BCAS3: variants seen among roughly 807,000 people sequenced by gnomAD.
BCAS3 encodes BCAS4/BCAS3 fusion.
A neutral mutation model predicts 116.1 loss-of-function variants in BCAS3; 53 were observed. That is an observed-to-expected ratio of 0.46 (90% CI 0.37 to 0.57). The LOEUF (loss-of-function observed/expected upper bound fraction) is 0.57. Ranked by LOEUF, BCAS3 falls within the 20% of genes least tolerant of loss-of-function variation. The pLI is 0.00. For synonymous variants in BCAS3, 391 were observed against 408.2 expected, an observed-to-expected ratio of 0.96 and a Z score of 0.51; for missense variants, 917 against 1,165.4, an observed-to-expected ratio of 0.79 and a Z score of 3.10.
intron 6 of BCAS3, among the ~76,000 whole-genome samples, chr17:60,771,958 A>T (rs1480891695): frequency 6.6e-6 from 1 of 152,170 alleles, no homozygotes; most frequent in Admixed American, 6.5e-5. Context: ...TCTATCATTG[A>T]TGGACATTTG....
At chr17:61,320,198 C>CT (rs2055092466) in intron 22 of BCAS3, among the ~76,000 whole-genome samples, 1 of 151,400 alleles carries the variant, frequency 6.6e-6, no homozygotes, top group South Asian at 2.1e-4. Context: ...CCAGAATAGT[C>CT]TTTTTTCTAT....
At chr17:60,977,820 A>C (rs1358898542) in intron 14 of BCAS3, among the ~76,000 whole-genome samples, 1 of 149,682 alleles carries the variant, frequency 6.7e-6, no homozygotes, top group African/African-American at 2.5e-5. Flanking sequence ...GTCCCTACAA[A>C]GGACATGAAC....
intron 22 of BCAS3, among the ~76,000 whole-genome samples, chr17:61,191,184 T>C (rs2144226006): frequency 6.6e-6 from 1 of 152,264 alleles, no homozygotes; most frequent in Non-Finnish European, 1.5e-5. Flanking sequence ...GAGGACTGCT[T>C]GAGCCCGGGA....
intron 19 of BCAS3, among the ~76,000 whole-genome samples, chr17:61,048,581 G>A (rs2068560936): frequency 6.6e-6 from 1 of 151,908 alleles, no homozygotes. Flanking sequence ...CAGCCACACT[G>A]TTTCATTTTT....
rs1182472690 is a variant in BCAS3, at chr17:61,344,282, T to C, written c.2426-24045T>C. Among the ~76,000 whole-genome samples the C allele has an allele frequency of 6.6e-6, 1 of 152,082 alleles. No homozygotes were observed. The highest frequency in any genetic ancestry group is 1.9e-4 in the East Asian group (1 of 5,190). ...TCCCCTTGCTTTTAAAGAGCCAACCTCTTACCAGTTGCTTCTCTTTTGTCA... is the reference window on the plus strand; with the variant it reads ...TCCCCTTGCTTTTAAAGAGCCAACCCCTTACCAGTTGCTTCTCTTTTGTCA... On this transcript the variant is annotated intron_variant, in intron 22 of 23. Coordinates refer to ENST00000407086, the MANE Select transcript of BCAS3 (RefSeq NM_017679.5). The surrounding 1 kb of genome is among the most constrained non-coding windows in gnomAD (Gnocchi z 4.1).
chr17:60,731,916 T>C (rs537270953), intron 5 of BCAS3, among the ~76,000 whole-genome samples: 1 of 151,646 alleles, frequency 6.6e-6, no homozygotes, highest in South Asian at 2.1e-4. Context: ...GTAGCTGGGA[T>C]TATAGGTGCT....
chr17:61,296,358 G>T (rs974975902), intron 22 of BCAS3, among the ~76,000 whole-genome samples: 1 of 152,282 alleles, frequency 6.6e-6, no homozygotes, highest in African/African-American at 2.4e-5. Context: ...GGTCCCAAAG[G>T]CCCATCCAGT....
intron 23 of BCAS3, among the ~76,000 whole-genome samples, chr17:61,375,748 T>A (rs1352466321): frequency 6.6e-6 from 1 of 152,002 alleles, no homozygotes; most frequent in Non-Finnish European, 1.5e-5. Context: ...AATTTTTGAA[T>A]TTTTAGTAGA....
rs2074030722 is a variant in BCAS3, at chr17:61,097,189, T to C, written c.2425+12625T>C. ...TTTCTTTATTTGTTTTTTTCTTTTT[T>C]CTTTTTTGAGACTGAGTCTCGCTCT... On this transcript the variant is annotated intron_variant, in intron 22 of 23. Coordinates refer to ENST00000407086, the MANE Select transcript of BCAS3 (RefSeq NM_017679.5). The surrounding 1 kb of genome is among the most constrained non-coding windows in gnomAD (Gnocchi z 4.0). Among the ~76,000 whole-genome samples, 1 of 152,188 alleles carries C rather than the reference T, an allele frequency of 6.6e-6. No individual in the cohort carries two copies. Among genetic ancestry groups the C allele is most frequent in the Non-Finnish European group, 1.5e-5 (1 of 68,040 alleles).
chr17:61,102,827 T>G (rs2074409547), intron 22 of BCAS3, among the ~76,000 whole-genome samples: 1 of 152,138 alleles, frequency 6.6e-6, no homozygotes, highest in Admixed American at 6.5e-5. Flanking sequence ...TAACAAGGAC[T>G]CATTAAATGT....
intron 22 of BCAS3, among the ~76,000 whole-genome samples, chr17:61,099,302 T>A (rs2074173388): frequency 6.6e-6 from 1 of 152,160 alleles, no homozygotes; most frequent in South Asian, 2.1e-4. Context: ...TAATCAATAT[T>A]TCTTGATATC....
At position 60,889,770 on chromosome 17, in the gene BCAS3, A is replaced by C; in HGVS notation, c.737A>C (p.Lys246Thr). 6.2e-7 allele frequency: 1 copy of C among 1,611,144 alleles called. No individual in the cohort carries two copies. Among genetic ancestry groups the C allele is most frequent in the Non-Finnish European group, 8.5e-7 (1 of 1,178,142 alleles). Residue 246 changes from lysine to threonine, a missense_variant and splice_region_variant, in exon 10 of 24, where the codon AAG (lysine) becomes ACG (threonine). By Grantham distance (78) the Lys-to-Thr change is moderately conservative. Transcript: ENST00000407086. ...GSRWLAYAEN[K>T]LIRCHQSRGG... is the part of the protein sequence containing the mutation. ...CGCTGGCTTGCTTATGCAGAAAACA[A>C]GGTAAGACGTGGCCTGTGTTTGGAT...
At chr17:61,221,455 T>C (rs1456602153) in intron 22 of BCAS3, among the ~76,000 whole-genome samples, 1 of 152,222 alleles carries the variant, frequency 6.6e-6, no homozygotes, top group African/African-American at 2.4e-5. Context: ...CCTTTAGAGA[T>C]TTAAGATTCT....
chr17:60,793,552 C>G (rs1040727649), intron 6 of BCAS3, among the ~76,000 whole-genome samples: 2 of 152,034 alleles, frequency 1.3e-5, no homozygotes, highest in African/African-American at 4.8e-5. Context: ...TCCATCGCCC[C>G]CATCTCACTT....
intron 14 of BCAS3, among the ~76,000 whole-genome samples, chr17:60,974,992 C>CTTTTTTTT (rs1568007292): frequency 1.1e-4 from 16 of 142,078 alleles, no homozygotes; most frequent in African/African-American, 4.7e-4. Context: ...GTTTTTTTTG[C>CTTTTTTTT]TTTTTTGTTT....
At chr17:60,904,468 C>T (rs147615452) in intron 11 of BCAS3, among the ~76,000 whole-genome samples, 271 of 152,144 alleles carry the variant, frequency 1.8e-3, no homozygotes, top group Admixed American at 1.9e-3. Flanking sequence ...TTTTCTCATA[C>T]CTCAATATTG....
At position 61,354,425 on chromosome 17, in the gene BCAS3, A is replaced by T. The variant is rs1195638113; in HGVS notation, c.2426-13902A>T. 2 of 151,934 alleles carry T rather than the reference A, an allele frequency of 1.3e-5. No individual in the cohort carries two copies. The highest frequency in any genetic ancestry group is 3.9e-4 in the East Asian group (2 of 5,182). The allele number at this position is 151,934 out of a possible 1,614,324, so 9.4% of individuals were successfully genotyped here. A position where few individuals can be genotyped will look rare whatever the true frequency, so the allele number is the denominator to read the frequency against. On this transcript the variant is annotated intron_variant, in intron 22 of 23. Coordinates refer to ENST00000407086, the MANE Select transcript of BCAS3 (RefSeq NM_017679.5). The surrounding 1 kb of genome is among the most constrained non-coding windows in gnomAD (Gnocchi z 4.5). ...CCTTCACACTCACGCTCAGCCCATC[A>T]CCCCTCTGTGCAAGGTGCAAGGTCC...
chr17:60,744,836 G>A (rs1320536981), intron 5 of BCAS3, among the ~76,000 whole-genome samples: 1 of 152,040 alleles, frequency 6.6e-6, no homozygotes, highest in African/African-American at 2.4e-5. Flanking sequence ...TGCCTTATGT[G>A]TAAGGAGGGA....
In BCAS3 at chr17:61,387,157, G is replaced by T. The variant is rs1263197642; in HGVS notation, c.2594-4820G>T. ...GTCTCACACAGGCCCTGTGCCCTCC[G>T]CATTTCACCCCTCCCGGGGAGTCTG... On this transcript the variant is annotated intron_variant, in intron 23 of 23. Transcript: ENST00000407086. This position sits in a 1 kb window ranked among gnomAD's most constrained non-coding sequence, Gnocchi z 6.2. 6.6e-6 allele frequency among the ~76,000 whole-genome samples: 1 copy of T among 152,136 alleles called. No individual in the cohort carries two copies. The highest frequency in any genetic ancestry group is 6.5e-5 in the Admixed American group (1 of 15,270).
Sources: gnomAD v4.1 joint callset for allele counts (sites outside exome capture counted in the v4.1 genomes callset) on GRCh38, gnomAD v4.1.1 for gene constraint, Gnocchi (gnomAD v3.1) non-coding constraint, MANE v1.5 for transcripts, NCBI Gene and HGNC (gene_info 2026-07-23, HGNC 2026-07-21) for gene names.